The following CEP83 variants were observed in gnomAD, a reference collection of about 807,000 sequenced individuals.
The protein encoded by CEP83 is centrosomal protein of 83 kDa.
CEP83 carries 70 observed loss-of-function variants against 101.9 expected under a neutral mutation model. The ratio of observed to expected loss-of-function variants is 0.69; its 90% CI spans 0.57 to 0.84. CEP83 has a LOEUF of 0.84. Ranked by LOEUF, CEP83 falls within the 40% of genes least tolerant of loss-of-function variation. The pLI is 0.00. For missense variants in CEP83, 715 were observed against 787.2 expected, an observed-to-expected ratio of 0.91 and a Z score of 1.10; for synonymous variants, 264 against 267.9, an observed-to-expected ratio of 0.99 and a Z score of 0.14.
At chr12:94,446,743 G>A (rs796248999) in intron 1 of CEP83, among the ~76,000 whole-genome samples, 35 of 152,136 alleles carry the variant, frequency 2.3e-4, no homozygotes, top group Admixed American at 1.0e-3. Flanking sequence ...GTTAAGTGAC[G>A]ACATACTGTA....
At chr12:94,434,871 G>A (rs981410025) in intron 2 of CEP83, among the ~76,000 whole-genome samples, 1 of 152,142 alleles carries the variant, frequency 6.6e-6, no homozygotes, top group African/African-American at 2.4e-5. Flanking sequence ...CATCACATGA[G>A]GTCAGGTTTG....
chr12:94,266,015 T>A, the CEP83 span, among the ~76,000 whole-genome samples: 1 of 152,330 alleles, frequency 6.6e-6, no homozygotes, highest in Non-Finnish European at 1.5e-5. Context: ...TTTGGTTTGA[T>A]CTTTAGCTTT....
At chr12:94,304,026 A>C (rs1196658975), downstream of CEP83, 2 of 1,568,882 alleles carry the variant, frequency 1.3e-6, no homozygotes, top group African/African-American at 2.7e-5. Flanking sequence ...GAAATTTACA[A>C]ATACATCGTA....
chr12:94,321,918 G>A (rs1224052424), intron 14 of CEP83, among the ~76,000 whole-genome samples: 1 of 152,134 alleles, frequency 6.6e-6, no homozygotes, highest in Non-Finnish European at 1.5e-5. Flanking sequence ...CCATAGGGCT[G>A]CTACAGTATG....
chr12:94,429,200 C>A (rs977432754), intron 2 of CEP83, among the ~76,000 whole-genome samples: 1 of 152,124 alleles, frequency 6.6e-6, no homozygotes, highest in Non-Finnish European at 1.5e-5. Flanking sequence ...GTGAGGCAGC[C>A]TGCTTATCCG....
Position 94,359,545 on chromosome 12 carries a change from T to A in CEP83, c.1343+8249A>T, listed in dbSNP as rs367695928. On this transcript the variant is annotated intron_variant, in intron 11 of 16. Transcript: ENST00000397809. ...GAAAACCTAGAGAAAATGGATAAAT[T>A]GCTAAACACACAAAACCTATCAAGA... 4.6e-5 allele frequency among the ~76,000 whole-genome samples: 7 copies of A among 151,940 alleles called. No homozygotes were observed. The East Asian group carries it at 9.6e-4, about 21-fold the overall frequency.
At chr12:94,342,889 C>G (rs1156911413) in intron 11 of CEP83, among the ~76,000 whole-genome samples, 1 of 151,786 alleles carries the variant, frequency 6.6e-6, no homozygotes, top group Non-Finnish European at 1.5e-5. Flanking sequence ...TACCATGAAA[C>G]TCACCTTTAT....
intron 6 of CEP83, among the ~76,000 whole-genome samples, chr12:94,394,967 A>C (rs2062790677): frequency 1.3e-5 from 2 of 152,224 alleles, no homozygotes; most frequent in Non-Finnish European, 2.9e-5. Context: ...AAAAGTCAGG[A>C]AACAACAGAT....
intron 12 of CEP83, 176 bp from the exon 13 acceptor site, chr12:94,333,815 A>G: frequency 5.2e-6 from 3 of 580,554 alleles, no homozygotes; most frequent in Non-Finnish European, 8.9e-6. Context: ...ATTTCTTATT[A>G]TAATCAGAGA....
chr12:94,293,969 C>T, the CEP83 span, among the ~76,000 whole-genome samples: 1 of 152,062 alleles, frequency 6.6e-6, no homozygotes, highest in Admixed American at 6.6e-5. Flanking sequence ...GGGCTCCAAC[C>T]TCATGACTTA....
chr12:94,423,318 A>G (rs1376521466), intron 2 of CEP83, among the ~76,000 whole-genome samples: 1 of 152,164 alleles, frequency 6.6e-6, no homozygotes, highest in African/African-American at 2.4e-5. Context: ...TCCCGACATC[A>G]AGTGATCCGC....
At chr12:94,278,028 T>C in the CEP83 span, 3 of 455,960 alleles carry the variant, frequency 6.6e-6, no homozygotes, top group African/African-American at 4.0e-5. Context: ...TCCACAGTAC[T>C]TGGGGACCTC....
intron 5 of CEP83, 73 bp downstream of exon 5, chr12:94,403,096 AG>A: frequency 1.3e-6 from 1 of 777,688 alleles, no homozygotes. Flanking sequence ...GTTTTGGGGT[AG>A]GGGAATGATG....
At chr12:94,382,814 G>A (rs1052567547) in intron 6 of CEP83, among the ~76,000 whole-genome samples, 8 of 152,020 alleles carry the variant, frequency 5.3e-5, no homozygotes, top group East Asian at 1.9e-4. Context: ...TACATTCAGC[G>A]AATACTTCAA....
intron 2 of CEP83, among the ~76,000 whole-genome samples, chr12:94,426,865 G>A (rs972388140): frequency 6.6e-6 from 1 of 152,098 alleles, no homozygotes; most frequent in Non-Finnish European, 1.5e-5. Context: ...AAAACCTACA[G>A]CCACAAAAAG....
At position 94,417,405 on chromosome 12, in the gene CEP83, C is replaced by T. The variant is rs569286117; in HGVS notation, c.-101-4814G>A. Among the ~76,000 whole-genome samples the T allele has an allele frequency of 2.0e-5, 3 of 152,174 alleles. No homozygotes were observed. The East Asian group carries it at 5.8e-4, about 29-fold the overall frequency. On this transcript the variant is annotated intron_variant, in intron 2 of 16. Coordinates refer to ENST00000397809, the MANE Select transcript of CEP83 (RefSeq NM_016122.3). Reference sequence around the variant, plus strand: ...AGGTAGTATGCCCTCTTTCCTCTACCAGAAAAGTGTCAGAAAAAGCCAGCT... The same window carrying T: ...AGGTAGTATGCCCTCTTTCCTCTACTAGAAAAGTGTCAGAAAAAGCCAGCT...
intron 4 of CEP83, among the ~76,000 whole-genome samples, 172 bp from the exon 5 acceptor site, chr12:94,403,434 A>G (rs1417269582): frequency 6.6e-6 from 1 of 152,244 alleles, no homozygotes; most frequent in African/African-American, 2.4e-5. Flanking sequence ...TAATACTTTA[A>G]GAATCTCAAT....
chr12:94,359,890 C>A (rs1221583521), intron 11 of CEP83, among the ~76,000 whole-genome samples: 2 of 152,036 alleles, frequency 1.3e-5, no homozygotes, highest in African/African-American at 4.8e-5. Flanking sequence ...ACAAAAACAC[C>A]AGCAAACCAA....
chr12:94,389,091 C>T (rs1353359026), intron 6 of CEP83, among the ~76,000 whole-genome samples: 1 of 152,178 alleles, frequency 6.6e-6, no homozygotes, highest in Non-Finnish European at 1.5e-5. Flanking sequence ...CGCGCCACTG[C>T]ACTCCAGCCT....
Sources: allele counts gnomAD v4.1 joint callset (sites outside exome capture counted in the v4.1 genomes callset), GRCh38; gene constraint gnomAD v4.1.1; transcripts MANE v1.5; gene names NCBI Gene and HGNC (gene_info 2026-07-23, HGNC 2026-07-21).